TBC1D8: variants seen among roughly 807,000 people sequenced by gnomAD.
The protein encoded by TBC1D8 is BUB2-like protein 1.
Under a neutral mutation model 118.8 loss-of-function variants are expected in TBC1D8, and 65 were observed. That is an observed-to-expected ratio of 0.55 (90% CI 0.45 to 0.67). The LOEUF is 0.67. Among genes scored for constraint, TBC1D8 ranks in the 30% least tolerant of loss-of-function variants. TBC1D8 has a pLI of 0.00. For synonymous variants in TBC1D8, 566 were observed against 595.8 expected (o/e 0.95, Z 0.73); for missense variants, 1,376 against 1,471.2 (o/e 0.94, Z 1.06).
rs142764318 is a variant in TBC1D8, at chr2:101,095,187, T to C, written c.128-4823A>G. On this transcript the variant is annotated intron_variant, in intron 1 of 19. Coordinates refer to ENST00000409318, the MANE Select transcript of TBC1D8 (RefSeq NM_001330348.2). ...TTCAGGGCAAAGGGAAAAGTAATCA[T>C]TGTTCAATATCCTCAGGCCGTTCTC... Among the ~76,000 whole-genome samples the C allele has an allele frequency of 1.8e-3, 275 of 152,202 alleles. 1 individual carries two copies. Among genetic ancestry groups the C allele is most frequent in the African/African-American group, 6.5e-3 (268 of 41,544 alleles).
At chr2:101,066,858 T>C (rs919860014) in intron 2 of TBC1D8, among the ~76,000 whole-genome samples, 1 of 149,746 alleles carries the variant, frequency 6.7e-6, no homozygotes, top group African/African-American at 2.5e-5. Flanking sequence ...GGCAGGAGAA[T>C]TTCTTGAATT....
chr2:101,052,441 T>G (rs1483275934), intron 4 of TBC1D8, among the ~76,000 whole-genome samples: 2 of 151,696 alleles, frequency 1.3e-5, no homozygotes, highest in African/African-American at 2.4e-5. Context: ...AAATCAGAAA[T>G]GTCACCACAT....
In TBC1D8 at chr2:101,054,587, G is replaced by A. The variant is rs1340643668; in HGVS notation, c.403-251C>T. The stretch of plus-strand genomic sequence containing the variant: ...AAACCCAAGAACCAGTCTCTCACTC[G>A]GCCACTTACCGATCATGAGGCTCTG... On this transcript the variant is annotated intron_variant, in intron 3 of 19. Coordinates refer to ENST00000409318, the MANE Select transcript of TBC1D8 (RefSeq NM_001330348.2). 4.6e-5 allele frequency among the ~76,000 whole-genome samples: 7 copies of A among 151,204 alleles called. No homozygotes were observed. The East Asian group carries it at 1.4e-3, about 29-fold the overall frequency.
intron 2 of TBC1D8, among the ~76,000 whole-genome samples, chr2:101,075,347 C>T (rs1008424110): frequency 2.7e-5 from 4 of 150,390 alleles, no homozygotes; most frequent in African/African-American, 4.9e-5. Flanking sequence ...GCCAAGATTG[C>T]GCCACTGCAC....
chr2:101,090,391 A>G (rs764313130), intron 1 of TBC1D8, 27 bp from the exon 2 acceptor site: 1 of 1,612,648 alleles, frequency 6.2e-7, no homozygotes, highest in Non-Finnish European at 8.5e-7. Flanking sequence ...AAGAAAGTGC[A>G]CCTGTGAGCA....
chr2:101,088,477 G>T (rs190900701), intron 2 of TBC1D8, among the ~76,000 whole-genome samples: 1 of 151,826 alleles, frequency 6.6e-6, no homozygotes, highest in Non-Finnish European at 1.5e-5. Flanking sequence ...TAGTAGAGAC[G>T]GGGTTTCACC....
chr2:101,097,461 A>T (rs1344563629), intron 1 of TBC1D8, among the ~76,000 whole-genome samples: 1 of 152,170 alleles, frequency 6.6e-6, no homozygotes, highest in Middle Eastern at 3.2e-3. Flanking sequence ...TAGTAATAGT[A>T]AGAATGTACT....
intron 18 of TBC1D8, 152 bp from the exon 19 acceptor site, chr2:101,011,178 C>A: frequency 1.3e-6 from 1 of 768,414 alleles, no homozygotes; most frequent in Non-Finnish European, 2.1e-6. Flanking sequence ...CCCTGGAGAG[C>A]CAGTGGGTGG....
intron 2 of TBC1D8, among the ~76,000 whole-genome samples, chr2:101,066,466 T>TA (rs1337016339): frequency 1.3e-5 from 2 of 151,886 alleles, no homozygotes; most frequent in African/African-American, 4.8e-5. Flanking sequence ...AATCAATTCT[T>TA]AAAAAAATGG....
chr2:101,151,121 C>T lies in TBC1D8; in HGVS notation c.127+6G>A. On this transcript the variant is annotated splice_donor_region_variant and intron_variant, in intron 1 of 19. Coordinates refer to ENST00000409318, the MANE Select transcript of TBC1D8 (RefSeq NM_001330348.2). ...GCCGCCGCGCCCGCCCCGGCGAGCC[C>T]CTTACCGGTGAGGCGGCCGCCCCCC... The T allele has an allele frequency of 8.9e-7, 1 of 1,121,266 alleles. No individual in the cohort carries two copies. Among genetic ancestry groups the T allele is most frequent in the Non-Finnish European group, 1.1e-6 (1 of 900,040 alleles). 69.5% of individuals were successfully genotyped at this position (1,121,266 alleles called of 1,614,324 possible). A position where few individuals can be genotyped will look rare whatever the true frequency, so the allele number is the denominator to read the frequency against.
At chr2:101,132,731 G>A (rs142618741) in intron 1 of TBC1D8, among the ~76,000 whole-genome samples, 1 of 152,034 alleles carries the variant, frequency 6.6e-6, no homozygotes, top group Non-Finnish European at 1.5e-5. Context: ...TAGGACTACA[G>A]GGATATGCCA....
Position 101,035,019 on chromosome 2 carries a change from G to T in TBC1D8, c.1603+999C>A, listed in dbSNP as rs1016607798. Among the ~76,000 whole-genome samples, 5 of 152,054 alleles carry T rather than the reference G, an allele frequency of 3.3e-5. No individual in the cohort carries two copies. The South Asian group carries it at 6.2e-4, about 19-fold the overall frequency. On this transcript the variant is annotated intron_variant, in intron 9 of 19. Coordinates refer to ENST00000409318, the MANE Select transcript of TBC1D8 (RefSeq NM_001330348.2). Reference sequence around the variant, plus strand: ...CATCTCGGGCAGGAGGTTGGGGGCTGGGGGGGAGACAGGGAAGAGGAAAGT... The same window carrying T: ...CATCTCGGGCAGGAGGTTGGGGGCTTGGGGGGAGACAGGGAAGAGGAAAGT...
intron 19 of TBC1D8, among the ~76,000 whole-genome samples, chr2:101,010,416 C>A (rs1170898343): frequency 1.3e-5 from 2 of 152,138 alleles, no homozygotes; most frequent in Non-Finnish European, 2.9e-5. Flanking sequence ...TACAAAAACT[C>A]CTCAAAGATG....
chr2:101,007,982 T>C lies in TBC1D8; in HGVS notation c.3307A>G (p.Ile1103Val), dbSNP rs774922509. The C allele has an allele frequency of 6.2e-6, 10 of 1,613,908 alleles. No homozygotes were observed. Among genetic ancestry groups the C allele is most frequent in the South Asian group, 2.2e-5 (2 of 91,090 alleles). ...TGTTCAGTCAGAAGTGAAGCTAAAA[T>C]ATGTTCAAGGGAGACAGTCCAGTCC... is the stretch of plus-strand genomic sequence containing the variant. The part of the protein sequence containing the change: ...ERDWTVSLEH[I>V]LASLLTEQSL... The change falls in exon 20 of 20, where the codon ATT becomes GTT. Residue 1103 changes from isoleucine to valine, a missense_variant. Coordinates refer to ENST00000409318, the MANE Select transcript of TBC1D8 (RefSeq NM_001330348.2).
At chr2:101,017,099 C>T (rs1156332252) in intron 17 of TBC1D8, among the ~76,000 whole-genome samples, 3 of 151,270 alleles carry the variant, frequency 2.0e-5, no homozygotes, top group African/African-American at 7.3e-5. Context: ...AAGACAAACA[C>T]GCACATTAGC....
At chr2:101,146,124 G>A (rs1679307181) in intron 1 of TBC1D8, among the ~76,000 whole-genome samples, 1 of 152,182 alleles carries the variant, frequency 6.6e-6, no homozygotes, top group Non-Finnish European at 1.5e-5. Flanking sequence ...AAATGGTACC[G>A]CTGCTGTAGA....
At chr2:101,017,896 C>A (rs1679772214) in intron 17 of TBC1D8, 1 of 1,550,882 alleles carries the variant, frequency 6.4e-7, no homozygotes, top group African/African-American at 1.4e-5. Flanking sequence ...CAGATTGTCA[C>A]CATCAGTGAG....
At chr2:101,130,603 A>C (rs1450986184) in intron 1 of TBC1D8, among the ~76,000 whole-genome samples, 1 of 152,252 alleles carries the variant, frequency 6.6e-6, no homozygotes, top group Non-Finnish European at 1.5e-5. Flanking sequence ...TTTGTGGTTC[A>C]GTGAAAACAG....
At chr2:101,129,528 A>C (rs574160483) in intron 1 of TBC1D8, among the ~76,000 whole-genome samples, 6 of 152,318 alleles carry the variant, frequency 3.9e-5, no homozygotes, top group Admixed American at 3.3e-4. Context: ...GAACAAAAGT[A>C]GCTGGAGAGA....
Sources: gnomAD v4.1 joint callset for allele counts (sites outside exome capture counted in the v4.1 genomes callset) on GRCh38, gnomAD v4.1.1 for gene constraint, MANE v1.5 for transcripts, NCBI Gene and HGNC (gene_info 2026-07-23, HGNC 2026-07-21) for gene names.